Variants in PHC3 observed in about 807,000 individuals in gnomAD.
PHC3 encodes polyhomeotic-like protein 3.
Under a neutral mutation model 107.4 loss-of-function variants are expected in PHC3, and 13 were observed. That is an observed-to-expected ratio of 0.12 (90% confidence interval 0.08 to 0.19). PHC3 has a LOEUF of 0.19. PHC3 is among the 10% of genes least tolerant of loss of function. The pLI is 1.00. For missense variants in PHC3, 992 were observed against 1,210.9 expected (o/e 0.82, Z 2.68); for synonymous variants, 456 against 427.4 (o/e 1.07, Z -0.83).
In PHC3 at chr3:170,178,846, A is replaced by C; in HGVS notation, c.107T>G (p.Ile36Ser). 6.2e-7 allele frequency: 1 copy of C among 1,613,806 alleles called. No homozygotes were observed. The highest frequency in any genetic ancestry group is 1.1e-5 in the South Asian group (1 of 91,088). Residue 36 changes from isoleucine to serine, a missense_variant, in exon 2 of 15, where the codon ATC becomes AGC. By Grantham distance (142) the Ile-to-Ser change is moderately radical (BLOSUM62 -2). Around this residue, in one of 6 missense-constraint regions of PHC3, gnomAD observed 161 missense variants for 183.7 expected, o/e 0.88. Coordinates refer to ENST00000495893, the MANE Select transcript of PHC3 (RefSeq NM_024947.4). ...TTTSSTTTTT[I>S]TTSSSRMQQP... ...CTGCATTCGAGAGGAGGAAGTGGTG[A>C]TGGTGGTGGTGGTGGTACTGCTGGT...
At position 170,095,982 on chromosome 3, in the gene PHC3, G is replaced by GA. The variant is rs1714595279; in HGVS notation, c.*1247dup. The GA allele has an allele frequency of 6.6e-6, 1 of 152,024 alleles. No individual in the cohort carries two copies. The highest frequency in any genetic ancestry group is 1.5e-5 in the Non-Finnish European group (1 of 67,994). 9.4% of individuals were successfully genotyped at this position (152,024 alleles called of 1,614,324 possible). A position where few individuals can be genotyped will look rare whatever the true frequency, so the allele number is the denominator to read the frequency against. Reference sequence around the variant, plus strand: ...GCTAGTCCCAGCATGTTCAACAATAGAAAAAAATCCAAAGAGCAACCACGT... The same window carrying GA: ...GCTAGTCCCAGCATGTTCAACAATAGAAAAAAAATCCAAAGAGCAACCACGT... On this transcript the variant is annotated 3_prime_UTR_variant, in exon 15 of 15. Transcript: ENST00000495893.
intron 8 of PHC3, among the ~76,000 whole-genome samples, chr3:170,123,949 C>CGATT (rs1438209388): frequency 6.6e-6 from 1 of 151,816 alleles, no homozygotes; most frequent in Non-Finnish European, 1.5e-5. Context: ...TGGGTTCAAG[C>CGATT]GATTCTCCTG....
Position 170,113,333 on chromosome 3 carries a change from A to C in PHC3, c.2353+27T>G, listed in dbSNP as rs199817284. 20 of 1,566,468 alleles carry C rather than the reference A, an allele frequency of 1.3e-5. No homozygotes were observed. In the East Asian group the frequency reaches 4.6e-4, roughly 36 times the overall value. ...GCAGTAAAAGTCAAAGTTAAATTAA[A>C]GGGTATCTTAAGTGAAACCCACAAA... On this transcript the variant is annotated intron_variant, in intron 11 of 14. Transcript: ENST00000495893.
chr3:170,108,790 C>G (rs1482732708), intron 11 of PHC3, among the ~76,000 whole-genome samples: 3 of 152,152 alleles, frequency 2.0e-5, no homozygotes, highest in African/African-American at 7.2e-5. Context: ...CTGAAAGAGT[C>G]CATTCCTCAG....
At chr3:170,105,126 C>T (rs536409537) in intron 12 of PHC3, among the ~76,000 whole-genome samples, 30 of 152,258 alleles carry the variant, frequency 2.0e-4, no homozygotes, top group African/African-American at 7.2e-4. Flanking sequence ...AGACTGATGG[C>T]AGCATTAAGT....
chr3:170,113,322 A>C (rs1475272479), intron 11 of PHC3, 38 bp downstream of exon 11: 7 of 1,557,214 alleles, frequency 4.5e-6, no homozygotes, highest in Non-Finnish European at 6.1e-6. Context: ...TAAAAGTCAA[A>C]GTTAAATTAA....
chr3:170,140,465 G>T (rs1321274136), intron 6 of PHC3, among the ~76,000 whole-genome samples: 2 of 151,454 alleles, frequency 1.3e-5, no homozygotes, highest in African/African-American at 2.4e-5. Context: ...TGTTGGCCAG[G>T]CTCATCTCAA....
chr3:170,159,117 G>A (rs1425757993), intron 4 of PHC3, among the ~76,000 whole-genome samples: 1 of 151,686 alleles, frequency 6.6e-6, no homozygotes. Flanking sequence ...AGGGCGTGGT[G>A]GCAGGCGCCT....
intron 12 of PHC3, among the ~76,000 whole-genome samples, chr3:170,103,371 T>C (rs935529254): frequency 6.6e-6 from 1 of 152,198 alleles, no homozygotes; most frequent in African/African-American, 2.4e-5. Flanking sequence ...AAGTTTAATA[T>C]ACTAGGGAGA....
Position 170,106,863 on chromosome 3 carries a change from T to C in PHC3, c.2437A>G (p.Lys813Glu), listed in dbSNP as rs1228660939. Residue 813 changes from lysine (K) to glutamate (E), a missense_variant, in exon 12 of 15, where the codon AAA becomes GAA. Physicochemically the swap from Lys to Glu is moderately conservative, Grantham distance 56. This residue lies in a region of PHC3 where 228 missense variants were observed against 288.8 expected (regional missense o/e 0.79). Transcript: ENST00000495893. ...MGYANEFLRS[K>E]RFCTMSCAKR... ...GCACATGACATAGTGCAGAATCGTT[T>C]TGACCGCAAAAATTCATTAGCATAT... 4 of 1,612,462 alleles carry C rather than the reference T, an allele frequency of 2.5e-6. No homozygotes were observed. Among genetic ancestry groups the C allele is most frequent in the Non-Finnish European group, 3.4e-6 (4 of 1,179,416 alleles).
intron 2 of PHC3, among the ~76,000 whole-genome samples, chr3:170,174,410 T>C (rs1730093636): frequency 6.6e-6 from 1 of 152,118 alleles, no homozygotes; most frequent in African/African-American, 2.4e-5. Context: ...ACTTCATAAA[T>C]AAATATAGAA....
intron 4 of PHC3, among the ~76,000 whole-genome samples, chr3:170,157,869 A>C (rs920221831): frequency 6.6e-6 from 1 of 151,870 alleles, no homozygotes; most frequent in South Asian, 2.1e-4. Flanking sequence ...AACTAAAAAT[A>C]TATACAAATA....
At chr3:170,112,341 G>A (rs1462971131) in intron 11 of PHC3, among the ~76,000 whole-genome samples, 1 of 151,358 alleles carries the variant, frequency 6.6e-6, no homozygotes, top group Admixed American at 6.6e-5. Flanking sequence ...CTCCAAAGTA[G>A]CTGGGATTAC....
At chr3:170,129,676 C>G in intron 7 of PHC3, 124 bp from the exon 8 acceptor site, 5 of 1,083,486 alleles carry the variant, frequency 4.6e-6, no homozygotes, top group Non-Finnish European at 6.6e-6. Flanking sequence ...TACAAGTTTT[C>G]CAAACAAGAG....
chr3:170,143,269 G>C (rs1176821769), intron 6 of PHC3, among the ~76,000 whole-genome samples: 1 of 151,816 alleles, frequency 6.6e-6, no homozygotes, highest in Admixed American at 6.6e-5. Context: ...AAAAAGTTTA[G>C]AGCTGAAAAA....
At chr3:170,163,304 G>A (rs962253776) in intron 4 of PHC3, among the ~76,000 whole-genome samples, 21 of 151,822 alleles carry the variant, frequency 1.4e-4, no homozygotes, top group African/African-American at 5.1e-4. Context: ...ACAGTGAGTC[G>A]AAGCCAAAAT....
At position 170,097,089 on chromosome 3, in the gene PHC3, G is replaced by T; in HGVS notation, c.*141C>A. ...GAATTATTATACCTGTAGAAGAAAT[G>T]TCAGTATTTGATGTGGAGATCCCAA... On this transcript the variant is annotated 3_prime_UTR_variant, in exon 15 of 15. Transcript: ENST00000495893. This position sits in a 1 kb window ranked among gnomAD's most constrained non-coding sequence, Gnocchi z 4.1. The T allele has an allele frequency of 1.6e-6, 1 of 632,688 alleles. No homozygotes were observed. Among genetic ancestry groups the T allele is most frequent in the Non-Finnish European group, 2.5e-6 (1 of 394,948 alleles). 39.2% of individuals were successfully genotyped at this position (632,688 alleles called of 1,614,324 possible). A position where few individuals can be genotyped will look rare whatever the true frequency, so the allele number is the denominator to read the frequency against.
At chr3:170,140,154 TG>T (rs1324842991) in intron 6 of PHC3, among the ~76,000 whole-genome samples, 1 of 150,916 alleles carries the variant, frequency 6.6e-6, no homozygotes, top group Non-Finnish European at 1.5e-5. Context: ...TCCAAAGGGT[TG>T]TTTTTTTCCT....
chr3:170,171,084 T>C (rs1729511425), intron 4 of PHC3: 1 of 456,606 alleles, frequency 2.2e-6, no homozygotes, highest in Non-Finnish European at 3.8e-6. Context: ...ATTGTATATT[T>C]TAGGCTTTCA....
Sources: allele counts gnomAD v4.1 joint callset (sites outside exome capture counted in the v4.1 genomes callset), GRCh38; gene constraint gnomAD v4.1.1; regional missense constraint gnomAD v4.1.1; non-coding constraint Gnocchi (gnomAD v3.1); transcripts MANE v1.5; gene names NCBI Gene and HGNC (gene_info 2026-07-23, HGNC 2026-07-21).